Variants in CPNE2 observed in about 807,000 individuals in gnomAD.
CPNE2 encodes copine 2, also known as copine-2.
Under a neutral mutation model 69.7 loss-of-function variants are expected in CPNE2, and 42 were observed. The observed-to-expected ratio is 0.60, with a 90% confidence interval of 0.47 to 0.78. The LOEUF (loss-of-function observed/expected upper bound fraction) is 0.78, where lower values mean the gene tolerates loss of function less well. Ranked by LOEUF, CPNE2 falls within the 30% of genes least tolerant of loss-of-function variation. The probability of loss-of-function intolerance (pLI) is 0.00; values close to 1 mark genes in which losing one functional copy is unlikely to be tolerated. For synonymous variants in CPNE2, 294 were observed against 289.8 expected (o/e 1.01, Z -0.15); for missense variants, 587 against 732.0 (o/e 0.80, Z 2.29).
At chr16:57,099,921 G>A (rs1284234096) in intron 1 of CPNE2, among the ~76,000 whole-genome samples, 2 of 151,974 alleles carry the variant, frequency 1.3e-5, no homozygotes, top group East Asian at 3.9e-4. Flanking sequence ...GACTACAGGC[G>A]CGTGCACCAC....
chr16:57,119,093 C>G, intron 5 of CPNE2, 102 bp from the exon 6 acceptor site: 2 of 1,046,782 alleles, frequency 1.9e-6, no homozygotes, highest in East Asian at 2.4e-5. Flanking sequence ...CCCACAGCTC[C>G]TATCCTGACA....
chr16:57,106,434 G>A (rs761190122), intron 1 of CPNE2, among the ~76,000 whole-genome samples: 1 of 152,220 alleles, frequency 6.6e-6, no homozygotes, highest in African/African-American at 2.4e-5. Context: ...GCAGAGGGGC[G>A]GGGGTAGGGT....
intron 1 of CPNE2, among the ~76,000 whole-genome samples, chr16:57,106,451 G>A (rs1310351039): frequency 7.2e-5 from 11 of 152,216 alleles, no homozygotes; most frequent in Non-Finnish European, 1.3e-4. Context: ...GGGTAGTGAT[G>A]GGGACAGAAG....
chr16:57,125,494 G>A, intron 10 of CPNE2: 1 of 390,678 alleles, frequency 2.6e-6, no homozygotes, highest in Non-Finnish European at 5.1e-6. Context: ...AGTTAGACGG[G>A]AAGAAACGAT....
intron 1 of CPNE2, among the ~76,000 whole-genome samples, chr16:57,108,732 C>G (rs1567666088): frequency 6.6e-6 from 1 of 152,200 alleles, no homozygotes. Flanking sequence ...ATGGGTTGCT[C>G]CAGTCTCACT....
In CPNE2 at chr16:57,099,349, A is replaced by G. The variant is rs75125233; in HGVS notation, c.-36+6559A>G. ...CACCAGTTATGTCTCCCTTCTTCCA[A>G]TCATGGGGGTTTGGGTGGGGAGTTC... On this transcript the variant is annotated intron_variant, in intron 1 of 15. Transcript: ENST00000290776. 0.021 allele frequency among the ~76,000 whole-genome samples: 3,161 copies of G among 152,134 alleles called. 172 individuals are homozygous for G. The East Asian group carries it at 0.21, about 10-fold the overall frequency.
intron 11 of CPNE2, 60 bp from the exon 12 acceptor site, chr16:57,127,789 A>G: frequency 6.4e-7 from 1 of 1,552,626 alleles, no homozygotes; most frequent in Non-Finnish European, 8.9e-7. Flanking sequence ...AGCCCTGGGC[A>G]GAGGGTCGGG....
At chr16:57,139,003 TAGAA>T (rs2069903015) in intron 14 of CPNE2, among the ~76,000 whole-genome samples, 1 of 152,138 alleles carries the variant, frequency 6.6e-6, no homozygotes, top group Non-Finnish European at 1.5e-5. Context: ...GCCTGCTGCC[TAGAA>T]AGAATGATTT....
chr16:57,123,422 A>G lies in CPNE2; in HGVS notation c.876A>G (p.Arg292=). The change falls in exon 10 of 16, where the codon CGA becomes CGG. Residue 292 remains arginine, a synonymous_variant. Transcript: ENST00000290776. The part of the protein sequence containing the change: ...IIILRSCKIN[R]DYSFLDYILG... ...CATCCGCTTTCTTCCAGATAAACCGAGACTACTCCTTCCTTGACTACATCC... is the reference window on the plus strand; with the variant it reads ...CATCCGCTTTCTTCCAGATAAACCGGGACTACTCCTTCCTTGACTACATCC... 4 of 1,613,082 alleles carry G rather than the reference A, an allele frequency of 2.5e-6. No individual in the cohort carries two copies. The highest frequency in any genetic ancestry group is 3.4e-6 in the Non-Finnish European group (4 of 1,180,012).
intron 12 of CPNE2, among the ~76,000 whole-genome samples, chr16:57,133,228 G>C (rs753693681): frequency 8.3e-4 from 127 of 152,266 alleles, no homozygotes; most frequent in Non-Finnish European, 1.6e-3. Context: ...CCTGGACAGG[G>C]ACAGGACCCA....
intron 12 of CPNE2, chr16:57,128,986 A>G (rs2069819528): frequency 6.6e-6 from 1 of 152,312 alleles, no homozygotes; most frequent in Admixed American, 6.5e-5. Flanking sequence ...GAGGTAACCC[A>G]ACCCAGCTTG....
At chr16:57,122,903 C>G (rs2069773311) in intron 9 of CPNE2, among the ~76,000 whole-genome samples, 1 of 101,012 alleles carries the variant, frequency 9.9e-6, no homozygotes, top group South Asian at 2.7e-4. Flanking sequence ...TGTTTCTTTT[C>G]TCTTTTTTTT....
chr16:57,133,652 C>A (rs774761580), intron 12 of CPNE2, among the ~76,000 whole-genome samples: 1 of 152,170 alleles, frequency 6.6e-6, no homozygotes, highest in Non-Finnish European at 1.5e-5. Context: ...ACCGGGGCAC[C>A]CCTCCACCCT....
chr16:57,121,447 G>A (rs377538990), intron 8 of CPNE2, among the ~76,000 whole-genome samples: 6 of 152,306 alleles, frequency 3.9e-5, no homozygotes, highest in East Asian at 1.9e-4. Flanking sequence ...AAGTCATTCC[G>A]TGATGTTGGG....
chr16:57,147,439 G>C (rs2069966718), intron 15 of CPNE2, 112 bp from the exon 16 acceptor site: 2 of 695,212 alleles, frequency 2.9e-6, no homozygotes, highest in African/African-American at 3.6e-5. Flanking sequence ...CCCTAATTTT[G>C]TCCTCAATGG....
intron 8 of CPNE2, 87 bp from the exon 9 acceptor site, chr16:57,121,587 C>A: frequency 1.5e-6 from 2 of 1,307,646 alleles, no homozygotes; most frequent in Non-Finnish European, 2.2e-6. Flanking sequence ...CATTGTCAAG[C>A]CTGTGGAAGG....
intron 12 of CPNE2, among the ~76,000 whole-genome samples, chr16:57,128,835 G>A (rs191173843): frequency 1.4e-4 from 22 of 152,198 alleles, no homozygotes; most frequent in South Asian, 2.1e-4. Flanking sequence ...GTTTAGCTCC[G>A]TCTTATAAGG....
At chr16:57,101,423 C>A (rs1253649904) in intron 1 of CPNE2, among the ~76,000 whole-genome samples, 7 of 152,152 alleles carry the variant, frequency 4.6e-5, no homozygotes, top group Admixed American at 4.6e-4. Flanking sequence ...AACTTAGCAG[C>A]CATCAGGGCC....
At chr16:57,136,137 G>A (rs1386432105) in intron 13 of CPNE2, among the ~76,000 whole-genome samples, 1 of 152,132 alleles carries the variant, frequency 6.6e-6, no homozygotes, top group African/African-American at 2.4e-5. Context: ...GGGGATGCAG[G>A]TGGGTATGGA....
Sources: gnomAD v4.1 joint callset for allele counts (sites outside exome capture counted in the v4.1 genomes callset) on GRCh38, gnomAD v4.1.1 for gene constraint, MANE v1.5 for transcripts, NCBI Gene and HGNC (gene_info 2026-07-23, HGNC 2026-07-21) for gene names.